The following ECSIT variants were observed in gnomAD, a reference collection of about 807,000 sequenced individuals.
ECSIT encodes evolutionarily conserved signaling intermediate in Toll pathway, mitochondrial.
ECSIT carries 29 observed loss-of-function variants against 36.8 expected under a neutral mutation model. The ratio of observed to expected loss-of-function variants is 0.79; its 90% confidence interval spans 0.59 to 1.08. The LOEUF (loss-of-function observed/expected upper bound fraction) is 1.08, where lower values mean the gene tolerates loss of function less well. Ranked by LOEUF, ECSIT falls within the 50% of genes least tolerant of loss-of-function variation. The pLI, the probability that ECSIT is intolerant of heterozygous loss-of-function variation, is 0.00. For missense variants in ECSIT, 542 were observed against 581.0 expected (o/e 0.93, Z 0.69); for synonymous variants, 231 against 234.8 (o/e 0.98, Z 0.15).
At chr19:11,512,755 T>C (rs1231082052) in intron 4 of ECSIT, among the ~76,000 whole-genome samples, 1 of 151,504 alleles carries the variant, frequency 6.6e-6, no homozygotes, top group African/African-American at 2.4e-5. Context: ...GGCAATATAG[T>C]GAGACCCTGT....
In ECSIT at chr19:11,512,166, G is replaced by A. The variant is rs1364343343; in HGVS notation, c.738+890C>T. On this transcript the variant is annotated intron_variant, in intron 4 of 7. Coordinates refer to ENST00000270517, the MANE Select transcript of ECSIT (RefSeq NM_016581.5). ...TTGAGACCAGCCTGGGCAACATGGTGGAACCCCATTTCTACAAGAAATACA... is the reference window on the plus strand; with the variant it reads ...TTGAGACCAGCCTGGGCAACATGGTAGAACCCCATTTCTACAAGAAATACA... Among the ~76,000 whole-genome samples, 5 of 151,346 alleles carry A rather than the reference G, an allele frequency of 3.3e-5. No individual in the cohort carries two copies. The East Asian group carries it at 9.7e-4, about 29-fold the overall frequency.
chr19:11,525,011 C>T (rs1158868367), intron 1 of ECSIT, among the ~76,000 whole-genome samples: 1 of 151,838 alleles, frequency 6.6e-6, no homozygotes, highest in Non-Finnish European at 1.5e-5. Flanking sequence ...GTGGCGGGCG[C>T]CTATAATCCC....
chr19:11,511,822 CAGG>C (rs1971876240), intron 4 of ECSIT, among the ~76,000 whole-genome samples: 1 of 152,058 alleles, frequency 6.6e-6, no homozygotes, highest in Non-Finnish European at 1.5e-5. Flanking sequence ...ATCATGAGGT[CAGG>C]AGATCAAGAC....
At position 11,514,229 on chromosome 19, in the gene ECSIT, GGGA is replaced by G; in HGVS notation, c.97-11_97-9del. ...AGGGAGCCGGCGAGGGACCTGGGGA[GGGA>G]GGAGAACTGCTGGAATCTGGCACCT... On this transcript the variant is annotated splice_polypyrimidine_tract_variant and intron_variant, in intron 2 of 7. Coordinates refer to ENST00000270517, the MANE Select transcript of ECSIT (RefSeq NM_016581.5). 1 of 1,595,190 alleles carries G rather than the reference GGGA, an allele frequency of 6.3e-7. No homozygotes were observed. Among genetic ancestry groups the G allele is most frequent in the Non-Finnish European group, 8.5e-7 (1 of 1,171,480 alleles).
chr19:11,520,141 G>T (rs1972072980), intron 1 of ECSIT, among the ~76,000 whole-genome samples: 1 of 151,920 alleles, frequency 6.6e-6, no homozygotes, highest in Admixed American at 6.6e-5. Flanking sequence ...GCTCCTTTAT[G>T]ATTGGTTTCC....
chr19:11,528,757 A>G (rs1372295733), intron 1 of ECSIT: 1 of 152,238 alleles, frequency 6.6e-6, no homozygotes, highest in Non-Finnish European at 1.5e-5. Flanking sequence ...CAGCTTTGAA[A>G]CCGGCTGCCA....
intron 1 of ECSIT, among the ~76,000 whole-genome samples, chr19:11,524,430 G>A (rs1435644892): frequency 6.6e-6 from 1 of 152,102 alleles, no homozygotes; most frequent in Non-Finnish European, 1.5e-5. Flanking sequence ...GCTGAGGCAG[G>A]AGAATCGCTT....
At chr19:11,526,476 C>G (rs1399963040) in intron 1 of ECSIT, among the ~76,000 whole-genome samples, 2 of 152,176 alleles carry the variant, frequency 1.3e-5, no homozygotes, top group Non-Finnish European at 2.9e-5. Context: ...CCATCCTATC[C>G]AATCGCACCA....
intron 7 of ECSIT, 43 bp from the exon 8 acceptor site, chr19:11,506,471 T>C (rs758300191): frequency 6.4e-7 from 1 of 1,574,718 alleles, no homozygotes; most frequent in Non-Finnish European, 8.7e-7. Flanking sequence ...CAGTGGGGGC[T>C]GCAGCGGCTA....
Position 11,522,087 on chromosome 19 carries a change from C to T in ECSIT, c.-23-2894G>A, listed in dbSNP as rs1972116388. ...TCTTTGCACCTGATCATGTCGTTGC[C>T]AAGTCCCACTTCTGGTACTTTGTAT... On this transcript the variant is annotated intron_variant, in intron 1 of 7. Coordinates refer to ENST00000270517, the MANE Select transcript of ECSIT (RefSeq NM_016581.5). 7 of 353,488 alleles carry T rather than the reference C, an allele frequency of 2.0e-5. 1 individual carries two copies. The highest frequency in any genetic ancestry group is 1.5e-4 in the South Asian group (6 of 40,408). The allele number at this position is 353,488 out of a possible 1,614,324, so 21.9% of individuals were successfully genotyped here.
At chr19:11,506,754 C>T (rs1247435680) in intron 7 of ECSIT, among the ~76,000 whole-genome samples, 2 of 151,996 alleles carry the variant, frequency 1.3e-5, no homozygotes, top group African/African-American at 4.8e-5. Flanking sequence ...AGGCTGGTCT[C>T]GAATTCCTGA....
At chr19:11,516,479 ATCTC>A (rs1972000097) in intron 2 of ECSIT, 1 of 152,088 alleles carries the variant, frequency 6.6e-6, no homozygotes, top group African/African-American at 2.4e-5. Context: ...GTGAGACTCC[ATCTC>A]TCTATGAAAA....
intron 4 of ECSIT, among the ~76,000 whole-genome samples, chr19:11,509,378 A>AT (rs564948574): frequency 0.036 from 5,276 of 146,234 alleles, 318 homozygotes; most frequent in African/African-American, 0.13. Context: ...CCGCTGACAA[A>AT]GTTTTTTTTT....
At chr19:11,507,317 T>C (rs7254233) in intron 7 of ECSIT, 140 bp downstream of exon 7, 104,959 of 699,476 alleles carry the variant, frequency 0.15, 16,690 homozygotes, top group African/African-American at 0.66. Context: ...GGGTCTATCA[T>C]GTAGGCTGGA....
Position 11,508,008 on chromosome 19 carries a change from G to T in ECSIT, c.779C>A (p.Pro260His). Residue 260 changes from proline to histidine, a missense_variant, in exon 5 of 8, where the codon CCC becomes CAC. Transcript: ENST00000270517. ...PKDSTGAADPPQPHIVGIQSP... is the reference protein window; with the variant it reads ...PKDSTGAADPHQPHIVGIQSP... ...GGACTTACCTACGATGTGGGGCTGG[G>T]GGGGATCTGCTGCACCTGTTGAGTC... The T allele has an allele frequency of 6.2e-7, 1 of 1,614,212 alleles. No individual in the cohort carries two copies. The highest frequency in any genetic ancestry group is 2.2e-5 in the East Asian group (1 of 44,884).
intron 7 of ECSIT, 74 bp downstream of exon 7, chr19:11,507,379 GATCC>G (rs1971768650): frequency 1.7e-6 from 2 of 1,193,270 alleles, no homozygotes. Context: ...GGGCTCAAGT[GATCC>G]TCCCACCTCA....
intron 1 of ECSIT, chr19:11,522,181 G>T: frequency 2.0e-6 from 1 of 489,584 alleles, no homozygotes; most frequent in Non-Finnish European, 3.7e-6. Context: ...GAGAAGTACC[G>T]CCTGCGGGTG....
chr19:11,526,167 C>T (rs1299843295), intron 1 of ECSIT, among the ~76,000 whole-genome samples: 1 of 152,098 alleles, frequency 6.6e-6, no homozygotes, highest in East Asian at 1.9e-4. Flanking sequence ...GTTTCACCAT[C>T]TTGTCCAGAC....
intron 2 of ECSIT, among the ~76,000 whole-genome samples, chr19:11,518,655 T>C (rs1030938367): frequency 6.6e-6 from 1 of 152,010 alleles, no homozygotes; most frequent in African/African-American, 2.4e-5. Flanking sequence ...CCCAGCACTT[T>C]GGGAGGCTGA....
Sources: gnomAD v4.1 joint callset for allele counts (sites outside exome capture counted in the v4.1 genomes callset) on GRCh38, gnomAD v4.1.1 for gene constraint, MANE v1.5 for transcripts, NCBI Gene and HGNC (gene_info 2026-07-23, HGNC 2026-07-21) for gene names.